CLIP1: variants seen among roughly 807,000 people sequenced by gnomAD.
The protein encoded by CLIP1 is CAP-Gly domain containing linker protein 1.
Under a neutral mutation model 161.6 loss-of-function variants are expected in CLIP1, and 66 were observed. That is an observed-to-expected ratio of 0.41 (90% CI 0.33 to 0.50). CLIP1 has a LOEUF of 0.50. Among genes scored for constraint, CLIP1 ranks in the 20% least tolerant of loss-of-function variants. The probability of loss-of-function intolerance (pLI) is 0.27; values close to 1 mark genes in which losing one functional copy is unlikely to be tolerated. For synonymous variants in CLIP1, 598 were observed against 626.2 expected (o/e 0.96, Z 0.67); for missense variants, 1,376 against 1,702.0 (o/e 0.81, Z 3.37).
intron 1 of CLIP1, among the ~76,000 whole-genome samples, chr12:122,420,238 G>A (rs1052190862): frequency 2.0e-5 from 3 of 151,830 alleles, no homozygotes; most frequent in Non-Finnish European, 2.9e-5. Context: ...CCAGCTACTC[G>A]GGAAGCTGAG....
At chr12:122,354,021 G>T (rs558115547) in intron 7 of CLIP1, among the ~76,000 whole-genome samples, 49 of 152,198 alleles carry the variant, frequency 3.2e-4, no homozygotes, top group African/African-American at 1.2e-3. Context: ...ACCTTCTGCT[G>T]GACACATAGT....
In CLIP1 at chr12:122,377,481, T is replaced by C. The variant is rs768139374; in HGVS notation, c.565A>G (p.Thr189Ala). The C allele has an allele frequency of 3.1e-6, 5 of 1,614,110 alleles. No individual in the cohort carries two copies. In the Admixed American group the frequency reaches 6.7e-5, roughly 22 times the overall value. The part of the protein sequence containing the change: ...PSATPPISNL[T>A]KTASESISNL... ...GAGATAGATTCACTGGCAGTTTTTG[T>C]AAGGTTGCTGATCGGAGGCGTAGCT... is the stretch of plus-strand genomic sequence containing the variant. The change falls in exon 3 of 26, where the codon ACA (threonine) becomes GCA (alanine). Residue 189 changes from threonine to alanine, a missense_variant. Physicochemically the swap from Thr to Ala is moderately conservative, Grantham distance 58. This residue lies in a region of CLIP1 where 119 missense variants were observed against 112.0 expected (regional missense o/e 1.06). Transcript: ENST00000620786.
At position 122,323,420 on chromosome 12, in the gene CLIP1, G is replaced by C. The variant is rs1951591527; in HGVS notation, c.3250-4072C>G. The C allele has an allele frequency of 6.6e-6, 1 of 152,596 alleles. No individual in the cohort carries two copies. The highest frequency in any genetic ancestry group is 1.5e-5 in the Non-Finnish European group (1 of 68,040). The allele number at this position is 152,596 out of a possible 1,614,324, so 9.5% of individuals were successfully genotyped here. A position where few individuals can be genotyped will look rare whatever the true frequency, so the allele number is the denominator to read the frequency against. ...CAGAAGCTGGATGCACTCGGAGTCC[G>C]TGACCGCCCGCCTGGCCTTAATTTC... is the stretch of plus-strand genomic sequence containing the variant. On this transcript the variant is annotated intron_variant, in intron 17 of 25. Transcript: ENST00000620786. The surrounding 1 kb of genome is among the most constrained non-coding windows in gnomAD (Gnocchi z 4.1).
rs768893656 is a variant in CLIP1, at chr12:122,373,582, A to G, written c.657+3807T>C. On this transcript the variant is annotated intron_variant, in intron 3 of 25. Coordinates refer to ENST00000620786, the MANE Select transcript of CLIP1 (RefSeq NM_001247997.2). ...GTATACTGTTTGTGGAAACAAAAAT[A>G]AAGGCTTTTTGGATTGCAATTTGGC... Among the ~76,000 whole-genome samples the G allele has an allele frequency of 1.2e-3, 190 of 152,176 alleles. 1 individual carries two copies. Among genetic ancestry groups the G allele is most frequent in the Non-Finnish European group, 2.3e-3 (154 of 68,006 alleles).
intron 24 of CLIP1, chr12:122,275,459 A>G (rs1955373032): frequency 6.6e-6 from 1 of 151,972 alleles, no homozygotes; most frequent in Admixed American, 6.6e-5. Flanking sequence ...AAAAATACAA[A>G]AATTAGCTGG....
chr12:122,336,813 GA>G, intron 11 of CLIP1, 65 bp from the exon 12 acceptor site: 4 of 663,004 alleles, frequency 6.0e-6, no homozygotes, highest in African/African-American at 1.9e-5. Flanking sequence ...AGAATGAGAA[GA>G]AAAAAATAAA....
chr12:122,377,118 T>G (rs1954776864), intron 3 of CLIP1, among the ~76,000 whole-genome samples: 1 of 151,640 alleles, frequency 6.6e-6, no homozygotes, highest in Non-Finnish European at 1.5e-5. Context: ...CAGGCAATTC[T>G]CTGCCTCAGC....
At chr12:122,275,642 G>GCACACA (rs1391112059) in intron 24 of CLIP1, 14,180 of 109,904 alleles carry the variant, frequency 0.13, 1,120 homozygotes, top group East Asian at 0.41. Context: ...ACACACACAC[G>GCACACA]CGCACACACA....
chr12:122,315,130 C>T (rs924357062), intron 19 of CLIP1, among the ~76,000 whole-genome samples: 2 of 152,212 alleles, frequency 1.3e-5, no homozygotes, highest in African/African-American at 2.4e-5. Flanking sequence ...CATGTGCTAG[C>T]TTAATCCAAG....
At chr12:122,399,280 C>T (rs1399450789) in intron 1 of CLIP1, 1 of 152,204 alleles carries the variant, frequency 6.6e-6, no homozygotes, top group Non-Finnish European at 1.5e-5. Context: ...CTGTTTCTAA[C>T]TCCATACCTT....
chr12:122,290,858 CTTTTTTTTATTTTTTTTTA>C (rs1431011562), intron 20 of CLIP1, among the ~76,000 whole-genome samples: 2 of 148,884 alleles, frequency 1.3e-5, no homozygotes, highest in African/African-American at 2.4e-5. Context: ...TTTCTTTTTT[CTTTTTTTTATTTTTTTTTA>C]TTTTTTTTAG....
chr12:122,327,401 C>G (rs1443132390), intron 17 of CLIP1, among the ~76,000 whole-genome samples: 1 of 152,138 alleles, frequency 6.6e-6, no homozygotes, highest in Non-Finnish European at 1.5e-5. Flanking sequence ...GCCCTTGAAT[C>G]CAGCTTCCTT....
intron 1 of CLIP1, among the ~76,000 whole-genome samples, chr12:122,382,035 G>A (rs773916220): frequency 6.6e-6 from 1 of 152,146 alleles, no homozygotes; most frequent in Non-Finnish European, 1.5e-5. Flanking sequence ...GGCCAGCCTG[G>A]TGAACCTGGT....
At chr12:122,295,918 C>G (rs893748283) in intron 20 of CLIP1, among the ~76,000 whole-genome samples, 2 of 152,154 alleles carry the variant, frequency 1.3e-5, no homozygotes, top group African/African-American at 2.4e-5. Context: ...TATAGTTTCT[C>G]CAGCTTGCTT....
At chr12:122,296,337 T>C (rs746484772) in intron 20 of CLIP1, among the ~76,000 whole-genome samples, 14 of 152,214 alleles carry the variant, frequency 9.2e-5, no homozygotes, top group Non-Finnish European at 1.9e-4. Flanking sequence ...AAATTTTATT[T>C]GATGTAAATT....
At chr12:122,347,258 G>A in intron 10 of CLIP1, 117 bp downstream of exon 10, 1 of 683,084 alleles carries the variant, frequency 1.5e-6, no homozygotes, top group South Asian at 1.9e-5. Context: ...ATGGTACCAA[G>A]ACCAAACTCA....
chr12:122,371,230 A>G (rs1954435035), intron 3 of CLIP1, among the ~76,000 whole-genome samples: 1 of 152,176 alleles, frequency 6.6e-6, no homozygotes, highest in Middle Eastern at 3.2e-3. Flanking sequence ...ACTGGCACTC[A>G]GTACTCAGGC....
chr12:122,377,726 C>T lies in CLIP1; in HGVS notation c.320G>A (p.Arg107Gln), dbSNP rs763715429. The change falls in exon 3 of 26, where the codon CGG (arginine) becomes CAG (glutamine). Residue 107 changes from arginine (R) to glutamine (Q), a missense_variant. Arg to Gln is a conservative substitution (Grantham distance 43). Transcript: ENST00000620786. Reference protein sequence around the residue: ...GKNDGSVAGVRYFQCEPLKGI... With the variant: ...GKNDGSVAGVQYFQCEPLKGI... ...CTTTAAAGGTTCACACTGGAAATAC[C>T]GAACTCCTGCCACCGAACCATCGTT... 23 of 1,613,632 alleles carry T rather than the reference C, an allele frequency of 1.4e-5. No individual in the cohort carries two copies. In the African/African-American group the frequency reaches 2.4e-4, roughly 17 times the overall value.
intron 17 of CLIP1, chr12:122,324,316 AC>A (rs1314065327): frequency 2.0e-5 from 3 of 152,486 alleles, no homozygotes; most frequent in Non-Finnish European, 4.4e-5. Flanking sequence ...CTGATTTCAG[AC>A]CCCTCAGCTC....
Sources: allele counts gnomAD v4.1 joint callset (sites outside exome capture counted in the v4.1 genomes callset), GRCh38; gene constraint gnomAD v4.1.1; regional missense constraint gnomAD v4.1.1; non-coding constraint Gnocchi (gnomAD v3.1); transcripts MANE v1.5; gene names NCBI Gene and HGNC (gene_info 2026-07-23, HGNC 2026-07-21).